The following CACNG3 variants were observed in gnomAD, a reference collection of about 807,000 sequenced individuals.
CACNG3 encodes calcium voltage-gated channel auxiliary subunit gamma 3.
CACNG3 carries 3 observed loss-of-function variants against 28.5 expected under a neutral mutation model. The ratio of observed to expected loss-of-function variants is 0.11; its 90% CI spans 0.05 to 0.27. The LOEUF (loss-of-function observed/expected upper bound fraction) is 0.27. Among genes scored for constraint, CACNG3 ranks in the 10% least tolerant of loss-of-function variants. The pLI is 1.00. For missense variants in CACNG3, 236 were observed against 414.4 expected (o/e 0.57, Z 3.74); for synonymous variants, 174 against 162.2 (o/e 1.07, Z -0.55).
At chr16:24,324,524 G>T (rs998922926) in intron 1 of CACNG3, among the ~76,000 whole-genome samples, 2 of 152,138 alleles carry the variant, frequency 1.3e-5, no homozygotes, top group Non-Finnish European at 2.9e-5. Context: ...AAAGGCAACA[G>T]CTTCTCCCAC....
At chr16:24,360,295 G>A (rs1167249164) in intron 3 of CACNG3, among the ~76,000 whole-genome samples, 2 of 152,144 alleles carry the variant, frequency 1.3e-5, no homozygotes, top group East Asian at 3.8e-4. Context: ...AGAAAGGTAG[G>A]CAGAGATGTG....
intron 1 of CACNG3, among the ~76,000 whole-genome samples, chr16:24,271,814 A>C (rs1337566664): frequency 2.0e-5 from 3 of 152,164 alleles, no homozygotes; most frequent in Non-Finnish European, 4.4e-5. Context: ...GTCCTAGAAC[A>C]GTCATGGCAG....
At chr16:24,357,268 T>G (rs1900045736) in intron 3 of CACNG3, among the ~76,000 whole-genome samples, 1 of 147,386 alleles carries the variant, frequency 6.8e-6, no homozygotes, top group South Asian at 2.1e-4. Flanking sequence ...TCAGCTCTCA[T>G]GAGACTCATT....
At chr16:24,342,609 C>G (rs1169826015) in intron 1 of CACNG3, among the ~76,000 whole-genome samples, 1 of 152,144 alleles carries the variant, frequency 6.6e-6, no homozygotes, top group African/African-American at 2.4e-5. Context: ...ATACTGAACT[C>G]TGTTATAGTG....
chr16:24,305,318 A>ATGTG (rs1491191229), intron 1 of CACNG3, among the ~76,000 whole-genome samples: 12 of 118,406 alleles, frequency 1.0e-4, no homozygotes, highest in African/African-American at 3.6e-4. Flanking sequence ...ATATACATAA[A>ATGTG]TATGTGTGTG....
chr16:24,330,905 T>C (rs1470140844), intron 1 of CACNG3, among the ~76,000 whole-genome samples: 2 of 152,208 alleles, frequency 1.3e-5, no homozygotes, highest in African/African-American at 4.8e-5. Flanking sequence ...TCTCCAGTGT[T>C]AGTAATACTA....
chr16:24,263,914 C>G (rs753330264), intron 1 of CACNG3, among the ~76,000 whole-genome samples: 7 of 152,228 alleles, frequency 4.6e-5, no homozygotes, highest in Non-Finnish European at 4.4e-5. Context: ...AGTGAGGTAC[C>G]TGTGGCTCCA....
At chr16:24,273,236 G>C (rs1898712201) in intron 1 of CACNG3, among the ~76,000 whole-genome samples, 1 of 152,036 alleles carries the variant, frequency 6.6e-6, no homozygotes, top group African/African-American at 2.4e-5. Context: ...TTTTTATTCA[G>C]TCCTTCTGGT....
In CACNG3 at chr16:24,270,070, T is replaced by G. The variant is rs182099801; in HGVS notation, c.211+13105T>G. ...ATATACATTTGGTCACCTGCACATT[T>G]AGGAAGTGGAATTTCCACCACTCTG... is the stretch of plus-strand genomic sequence containing the variant. On this transcript the variant is annotated intron_variant, in intron 1 of 3. Coordinates refer to ENST00000005284, the MANE Select transcript of CACNG3 (RefSeq NM_006539.4). Among the ~76,000 whole-genome samples the G allele has an allele frequency of 3.3e-3, 503 of 152,342 alleles. 2 individuals carry two copies. The highest frequency in any genetic ancestry group is 3.5e-3 in the Non-Finnish European group (236 of 68,036).
At chr16:24,315,540 CT>C (rs1156698707) in intron 1 of CACNG3, among the ~76,000 whole-genome samples, 35 of 145,218 alleles carry the variant, frequency 2.4e-4, no homozygotes, top group East Asian at 1.4e-3. Context: ...TTTCTTTTTC[CT>C]TTTTTTCTTT....
At chr16:24,330,117 C>T (rs1899611805) in intron 1 of CACNG3, among the ~76,000 whole-genome samples, 1 of 152,186 alleles carries the variant, frequency 6.6e-6, no homozygotes, top group Admixed American at 6.5e-5. Flanking sequence ...ACGCAATGAG[C>T]ATCCCTCACA....
chr16:24,257,368 GGAGAGAGAGAGAGAGAGAGAGA>G (rs71154293), intron 1 of CACNG3, among the ~76,000 whole-genome samples: 627 of 52,866 alleles, frequency 0.012, 44 homozygotes, highest in Admixed American at 0.012. Context: ...AAGTGAGGGG[GGAGAGAGAGAGAGAGAGAGAGA>G]GAGAGAGAGA....
chr16:24,298,637 T>C (rs1240362948), intron 1 of CACNG3, among the ~76,000 whole-genome samples: 2 of 152,228 alleles, frequency 1.3e-5, no homozygotes. Context: ...TGGACCAGCA[T>C]TGACACATTG....
intron 1 of CACNG3, among the ~76,000 whole-genome samples, chr16:24,295,270 C>T (rs973006528): frequency 2.0e-5 from 3 of 152,108 alleles, no homozygotes; most frequent in African/African-American, 4.8e-5. Context: ...AAACTACTAC[C>T]GAGATGCCAG....
intron 1 of CACNG3, among the ~76,000 whole-genome samples, chr16:24,322,783 C>T (rs764875288): frequency 1.3e-5 from 2 of 152,090 alleles, no homozygotes; most frequent in Non-Finnish European, 2.9e-5. Flanking sequence ...GTGATTATGT[C>T]TATAATCTAA....
intron 1 of CACNG3, among the ~76,000 whole-genome samples, chr16:24,310,462 G>C (rs979553366): frequency 6.6e-6 from 1 of 152,174 alleles, no homozygotes; most frequent in Admixed American, 6.5e-5. Context: ...TACTTGGGAG[G>C]CTGAGGCAGG....
intron 1 of CACNG3, among the ~76,000 whole-genome samples, chr16:24,300,291 C>T (rs1315491399): frequency 5.3e-5 from 8 of 152,006 alleles, no homozygotes; most frequent in East Asian, 3.9e-4. Flanking sequence ...AGTGGGCTCT[C>T]GAATCTGTAC....
chr16:24,321,424 G>C (rs1338308625), intron 1 of CACNG3, among the ~76,000 whole-genome samples: 1 of 152,136 alleles, frequency 6.6e-6, no homozygotes, highest in African/African-American at 2.4e-5. Context: ...CTGGGCAATG[G>C]AGTGAGACTC....
chr16:24,317,554 A>AAAACAAAG (rs1899369725), intron 1 of CACNG3, among the ~76,000 whole-genome samples: 2 of 85,328 alleles, frequency 2.3e-5, no homozygotes, highest in Non-Finnish European at 4.6e-5. Flanking sequence ...AAAAAAAAGA[A>AAAACAAAG]AAAGAAAGAA....
Sources: allele counts gnomAD v4.1 joint callset (sites outside exome capture counted in the v4.1 genomes callset), GRCh38; gene constraint gnomAD v4.1.1; transcripts MANE v1.5; gene names NCBI Gene and HGNC (gene_info 2026-07-23, HGNC 2026-07-21).